The following STK39 variants were observed in gnomAD, a reference collection of about 807,000 sequenced individuals.
STK39 encodes the protein serine/threonine kinase 39.
A neutral mutation model predicts 77.8 loss-of-function variants in STK39; 20 were observed. The ratio of observed to expected loss-of-function variants is 0.26; its 90% confidence interval spans 0.18 to 0.37. STK39 has a LOEUF of 0.37. Among genes scored for constraint, STK39 ranks in the 10% least tolerant of loss-of-function variants. The pLI is 1.00. For missense variants in STK39, 479 were observed against 656.5 expected (o/e 0.73, Z 2.95); for synonymous variants, 246 against 234.1 (o/e 1.05, Z -0.47).
intron 2 of STK39, 84 bp downstream of exon 2, chr2:168,181,894 A>ACAC (rs1689090424): frequency 1.7e-6 from 2 of 1,181,182 alleles, no homozygotes; most frequent in Non-Finnish European, 2.5e-6. Flanking sequence ...ACTGGAGATA[A>ACAC]CACCTTGCTC....
intron 2 of STK39, among the ~76,000 whole-genome samples, chr2:168,181,699 G>A (rs1460074841): frequency 2.0e-5 from 3 of 152,146 alleles, no homozygotes; most frequent in Non-Finnish European, 4.4e-5. Flanking sequence ...GTGTGCCCTT[G>A]ATACAGCAAG....
At chr2:168,181,464 C>G (rs1033188800) in intron 2 of STK39, among the ~76,000 whole-genome samples, 4 of 151,992 alleles carry the variant, frequency 2.6e-5, no homozygotes, top group African/African-American at 9.7e-5. Context: ...CAAATTGCCA[C>G]GTTAAGAAAA....
At chr2:167,973,678 C>T (rs970390097) in intron 16 of STK39, among the ~76,000 whole-genome samples, 5 of 152,062 alleles carry the variant, frequency 3.3e-5, no homozygotes, top group African/African-American at 4.8e-5. Flanking sequence ...GAATGAAATT[C>T]GTTTGTGGTA....
At chr2:168,151,321 T>A (rs1423567225) in intron 5 of STK39, among the ~76,000 whole-genome samples, 1 of 152,178 alleles carries the variant, frequency 6.6e-6, no homozygotes, top group African/African-American at 2.4e-5. Context: ...GAAGCAAGCC[T>A]TCCCATGACT....
chr2:168,148,470 G>A (rs1459448446), intron 5 of STK39, among the ~76,000 whole-genome samples: 1 of 152,168 alleles, frequency 6.6e-6, no homozygotes, highest in Non-Finnish European at 1.5e-5. Context: ...CTTCCAGGTG[G>A]ACGTTGCGCT....
chr2:167,993,638 C>T (rs1683759447), intron 16 of STK39, among the ~76,000 whole-genome samples: 1 of 152,156 alleles, frequency 6.6e-6, no homozygotes, highest in Non-Finnish European at 1.5e-5. Flanking sequence ...AACCCTGAAA[C>T]CTTCCTTTCC....
At chr2:168,059,913 T>C (rs1346360358) in intron 14 of STK39, among the ~76,000 whole-genome samples, 1 of 152,200 alleles carries the variant, frequency 6.6e-6, no homozygotes, top group African/African-American at 2.4e-5. Context: ...TAAGCTCCTT[T>C]AGGGCAAGAA....
At chr2:168,066,229 A>G (rs937276835) in intron 12 of STK39, among the ~76,000 whole-genome samples, 1 of 152,228 alleles carries the variant, frequency 6.6e-6, no homozygotes. Context: ...GTGAAGTAAT[A>G]GGGAAAAGTG....
At chr2:168,016,763 G>A (rs1413042647) in intron 15 of STK39, among the ~76,000 whole-genome samples, 2 of 152,166 alleles carry the variant, frequency 1.3e-5, no homozygotes, top group South Asian at 2.1e-4. Context: ...TTTAGGGCCT[G>A]CATTACCATA....
intron 1 of STK39, among the ~76,000 whole-genome samples, chr2:168,232,756 C>CA (rs1690491282): frequency 6.6e-6 from 1 of 152,000 alleles, no homozygotes; most frequent in Non-Finnish European, 1.5e-5. Flanking sequence ...ACTAAAAATA[C>CA]AAAAAATTAG....
chr2:167,958,136 C>T (rs1480165907), intron 17 of STK39, among the ~76,000 whole-genome samples: 1 of 151,984 alleles, frequency 6.6e-6, no homozygotes, highest in Non-Finnish European at 1.5e-5. Context: ...AATGTTCAAA[C>T]TTTGGGGTCT....
chr2:168,129,987 TG>T (rs1412797487), intron 8 of STK39, among the ~76,000 whole-genome samples: 6 of 152,208 alleles, frequency 3.9e-5, no homozygotes, highest in Non-Finnish European at 8.8e-5. Flanking sequence ...ATTAAGTGCT[TG>T]GGGCGTAATC....
chr2:167,979,766 G>A (rs776049061), intron 16 of STK39, among the ~76,000 whole-genome samples: 37 of 152,198 alleles, frequency 2.4e-4, no homozygotes, highest in Non-Finnish European at 4.9e-4. Context: ...TTTCTTCTAC[G>A]GATTTTAAAT....
At chr2:167,974,507 A>G (rs962770948) in intron 16 of STK39, among the ~76,000 whole-genome samples, 3 of 152,194 alleles carry the variant, frequency 2.0e-5, no homozygotes, top group Non-Finnish European at 2.9e-5. Context: ...TCTTCAGGTT[A>G]TATTTTAGTG....
chr2:168,167,102 G>C (rs982139543), intron 3 of STK39, among the ~76,000 whole-genome samples, 197 bp downstream of exon 3: 1 of 152,082 alleles, frequency 6.6e-6, no homozygotes, highest in Non-Finnish European at 1.5e-5. Context: ...ACACATTCTC[G>C]GAAGTTAAGC....
chr2:168,201,241 T>C (rs1689603743), intron 1 of STK39, among the ~76,000 whole-genome samples: 1 of 152,250 alleles, frequency 6.6e-6, no homozygotes, highest in Non-Finnish European at 1.5e-5. Flanking sequence ...ATTTTCTTTT[T>C]AAATATTTAA....
intron 10 of STK39, among the ~76,000 whole-genome samples, chr2:168,100,858 T>C (rs1028275216): frequency 1.3e-5 from 2 of 152,158 alleles, no homozygotes; most frequent in African/African-American, 4.8e-5. Flanking sequence ...CATTACTGGG[T>C]ATATACCCAA....
chr2:168,106,527 A>C (rs1203201548), intron 10 of STK39, among the ~76,000 whole-genome samples: 1 of 152,166 alleles, frequency 6.6e-6, no homozygotes, highest in Admixed American at 6.5e-5. Context: ...ACAGCTTCAA[A>C]TATAATCCAG....
At chr2:168,024,016 C>A (rs1181525127) in intron 14 of STK39, among the ~76,000 whole-genome samples, 2 of 152,188 alleles carry the variant, frequency 1.3e-5, no homozygotes, top group Non-Finnish European at 1.5e-5. Flanking sequence ...ACACTCAATT[C>A]CTGGACTATC....
Sources: allele counts gnomAD v4.1 joint callset (sites outside exome capture counted in the v4.1 genomes callset), GRCh38; gene constraint gnomAD v4.1.1; transcripts MANE v1.5; gene names NCBI Gene and HGNC (gene_info 2026-07-23, HGNC 2026-07-21).